The following MSRA variants were observed in gnomAD, a reference collection of about 807,000 sequenced individuals.
MSRA encodes the protein methionine sulfoxide reductase A, also known as mitochondrial peptide methionine sulfoxide reductase.
A neutral mutation model predicts 31.3 loss-of-function variants in MSRA; 54 were observed. That is an observed-to-expected ratio of 1.73 (90% CI 1.39 to 2.17). The LOEUF (loss-of-function observed/expected upper bound fraction) is 2.17, where lower values mean the gene tolerates loss of function less well. MSRA is among the 30% of genes most tolerant of loss of function. The pLI is 0.00. For missense variants in MSRA, 507 were observed against 300.9 expected (o/e 1.69, Z -5.07); for synonymous variants, 169 against 116.5 (o/e 1.45, Z -2.90).
intron 5 of MSRA, among the ~76,000 whole-genome samples, chr8:10,409,639 T>C (rs28531380): frequency 0.043 from 6,489 of 152,034 alleles, 461 homozygotes; most frequent in African/African-American, 0.15. Context: ...GGGAGCCTGG[T>C]ACAGGGTGAA....
chr8:10,283,187 A>G (rs892507579), intron 3 of MSRA, among the ~76,000 whole-genome samples: 1 of 88,688 alleles, frequency 1.1e-5, no homozygotes, highest in Non-Finnish European at 2.5e-5. Flanking sequence ...TGCTGGGGAA[A>G]GGTTTGTTGC....
chr8:10,349,275 C>T (rs1317301648), intron 5 of MSRA, among the ~76,000 whole-genome samples: 2 of 152,212 alleles, frequency 1.3e-5, no homozygotes, highest in Non-Finnish European at 2.9e-5. Context: ...GCAAACCAAC[C>T]ATTTCAAACA....
chr8:10,056,215 A>AC (rs1554532538), intron 1 of MSRA, among the ~76,000 whole-genome samples: 8 of 151,328 alleles, frequency 5.3e-5, no homozygotes, highest in South Asian at 2.1e-4. Context: ...AAAAAAAAAA[A>AC]AAAAAACCCC....
At chr8:10,290,925 T>A (rs1800198625) in intron 3 of MSRA, among the ~76,000 whole-genome samples, 1 of 152,194 alleles carries the variant, frequency 6.6e-6, no homozygotes, top group South Asian at 2.1e-4. Flanking sequence ...AGTGGGAGTT[T>A]GGTGCCAGTC....
At chr8:10,065,890 T>A (rs1261371329) in intron 1 of MSRA, among the ~76,000 whole-genome samples, 2 of 151,932 alleles carry the variant, frequency 1.3e-5, no homozygotes, top group Non-Finnish European at 2.9e-5. Context: ...AGTCAACTCT[T>A]CTGCCTGACA....
chr8:10,294,327 C>T (rs1373221236), intron 3 of MSRA, among the ~76,000 whole-genome samples: 2 of 152,202 alleles, frequency 1.3e-5, no homozygotes, highest in African/African-American at 4.8e-5. Flanking sequence ...GCAACGCTGC[C>T]ATGAAGAAAG....
At chr8:10,115,261 C>T (rs1439733785) in intron 1 of MSRA, among the ~76,000 whole-genome samples, 2 of 152,204 alleles carry the variant, frequency 1.3e-5, no homozygotes, top group African/African-American at 4.8e-5. Flanking sequence ...TCATAGAACA[C>T]TAGAAGAGTA....
chr8:10,229,650 T>A (rs900500416), intron 2 of MSRA, among the ~76,000 whole-genome samples: 4 of 152,084 alleles, frequency 2.6e-5, no homozygotes, highest in African/African-American at 7.2e-5. Flanking sequence ...ACCTCATAGA[T>A]GAAATCCCCT....
At position 10,141,963 on chromosome 8, in the gene MSRA, G is replaced by C. The variant is rs77776585; in HGVS notation, c.143-65870G>C. Among the ~76,000 whole-genome samples the C allele has an allele frequency of 9.9e-3, 1,512 of 152,138 alleles. 25 individuals carry two copies. The highest frequency in any genetic ancestry group is 0.033 in the African/African-American group (1,373 of 41,524). On this transcript the variant is annotated intron_variant, in intron 1 of 5. Coordinates refer to ENST00000317173, the MANE Select transcript of MSRA (RefSeq NM_012331.5). The stretch of plus-strand genomic sequence containing the variant: ...CTCTCCCAATTTTCAGGATTTTTTT[G>C]TTTGTTTGTTTGGAGATGGAGTTTC...
intron 4 of MSRA, among the ~76,000 whole-genome samples, chr8:10,312,149 C>T (rs1801467097): frequency 6.6e-6 from 1 of 151,928 alleles, no homozygotes. Context: ...TCAACCCAAA[C>T]AGTATAAAAT....
chr8:10,255,920 C>G (rs926293532), intron 3 of MSRA, among the ~76,000 whole-genome samples: 2 of 151,946 alleles, frequency 1.3e-5, no homozygotes, highest in Admixed American at 1.3e-4. Context: ...CTATCCCATC[C>G]CCCCACCATG....
At chr8:10,168,651 C>G (rs1254920068) in intron 1 of MSRA, among the ~76,000 whole-genome samples, 1 of 152,144 alleles carries the variant, frequency 6.6e-6, no homozygotes, top group Admixed American at 6.5e-5. Context: ...GCAACTGGCC[C>G]AATGTCACAT....
chr8:10,138,735 T>C (rs985854666), intron 1 of MSRA, among the ~76,000 whole-genome samples: 9 of 152,238 alleles, frequency 5.9e-5, no homozygotes, highest in Non-Finnish European at 1.3e-4. Flanking sequence ...TATTTCACAA[T>C]TTTATCTGGG....
At chr8:10,346,631 G>A (rs1180467338) in intron 5 of MSRA, among the ~76,000 whole-genome samples, 1 of 152,230 alleles carries the variant, frequency 6.6e-6, no homozygotes, top group East Asian at 1.9e-4. Flanking sequence ...AAAGCTTCAA[G>A]TATGTCCTGA....
chr8:10,140,676 T>C (rs1349884612), intron 1 of MSRA, among the ~76,000 whole-genome samples: 1 of 152,176 alleles, frequency 6.6e-6, no homozygotes, highest in Non-Finnish European at 1.5e-5. Flanking sequence ...AGAGAGCACA[T>C]TTTCTATCAG....
intron 5 of MSRA, among the ~76,000 whole-genome samples, chr8:10,396,206 A>G (rs528694853): frequency 4.7e-4 from 72 of 152,296 alleles, no homozygotes; most frequent in African/African-American, 1.6e-3. Flanking sequence ...GTACAAGGCC[A>G]GGCCTCCAGG....
Position 10,070,861 on chromosome 8 carries a change from T to C in MSRA, c.142+16203T>C, listed in dbSNP as rs567334593. On this transcript the variant is annotated intron_variant, in intron 1 of 5. Coordinates refer to ENST00000317173, the MANE Select transcript of MSRA (RefSeq NM_012331.5). ...GTTCTTTTTCATTACAGAGTATTATTACTTGGTGTGGATGTACCACAGTTT... is the reference window on the plus strand; with the variant it reads ...GTTCTTTTTCATTACAGAGTATTATCACTTGGTGTGGATGTACCACAGTTT... Among the ~76,000 whole-genome samples the C allele has an allele frequency of 7.0e-4, 106 of 152,376 alleles. 2 individuals are homozygous for C. The highest frequency in any genetic ancestry group is 3.4e-3 in the Middle Eastern group (1 of 294).
chr8:10,114,524 G>A (rs1024755020), intron 1 of MSRA, among the ~76,000 whole-genome samples: 1 of 152,028 alleles, frequency 6.6e-6, no homozygotes, highest in Non-Finnish European at 1.5e-5. Context: ...TTTTTTAAAT[G>A]ACAGCCATGC....
chr8:10,080,367 C>G (rs576532111), intron 1 of MSRA, among the ~76,000 whole-genome samples: 10 of 150,288 alleles, frequency 6.7e-5, no homozygotes, highest in African/African-American at 2.2e-4. Context: ...CCTGTTTTCA[C>G]TATCTGAATA....
Sources: gnomAD v4.1 joint callset for allele counts (sites outside exome capture counted in the v4.1 genomes callset) on GRCh38, gnomAD v4.1.1 for gene constraint, MANE v1.5 for transcripts, NCBI Gene and HGNC (gene_info 2026-07-23, HGNC 2026-07-21) for gene names.